The following PROM1 variants were observed in gnomAD, a reference collection of about 807,000 sequenced individuals.
PROM1 encodes prominin 1.
A neutral mutation model predicts 116.9 loss-of-function variants in PROM1; 105 were observed. The ratio of observed to expected loss-of-function variants is 0.90; its 90% CI spans 0.77 to 1.06. The LOEUF (loss-of-function observed/expected upper bound fraction) is 1.06. Among genes scored for constraint, PROM1 ranks in the 50% least tolerant of loss-of-function variants. The pLI is 0.00. For missense variants in PROM1, 1,122 were observed against 1,045.2 expected (o/e 1.07, Z -1.01); for synonymous variants, 393 against 387.0 (o/e 1.02, Z -0.18).
chr4:16,041,787 T>TAAATAA (rs1398054156), intron 2 of PROM1, among the ~76,000 whole-genome samples: 6 of 81,548 alleles, frequency 7.4e-5, no homozygotes, highest in Non-Finnish European at 1.2e-4. Flanking sequence ...AATAAATAAA[T>TAAATAA]ATATATATAT....
intron 26 of PROM1, among the ~76,000 whole-genome samples, chr4:15,972,551 T>C (rs973228594): frequency 3.3e-5 from 5 of 152,214 alleles, no homozygotes; most frequent in African/African-American, 1.2e-4. Flanking sequence ...CGCCTGTTAA[T>C]ATAGTCACAA....
intron 18 of PROM1, among the ~76,000 whole-genome samples, chr4:15,990,147 T>A (rs902995935): frequency 2.0e-5 from 3 of 152,198 alleles, no homozygotes; most frequent in African/African-American, 7.2e-5. Context: ...ATAGAGAAAT[T>A]TTTATTTAAC....
At chr4:15,976,151 G>A in intron 26 of PROM1, 1 of 454,894 alleles carries the variant, frequency 2.2e-6, no homozygotes, top group Non-Finnish European at 4.4e-6. Flanking sequence ...CTTCATTTAT[G>A]TATTTAATAG....
At chr4:16,030,774 G>C (rs368050813) in intron 5 of PROM1, among the ~76,000 whole-genome samples, 1 of 152,074 alleles carries the variant, frequency 6.6e-6, no homozygotes, top group Non-Finnish European at 1.5e-5. Flanking sequence ...GGCTAGGCAC[G>C]GTGGCTCACA....
intron 9 of PROM1, among the ~76,000 whole-genome samples, chr4:16,017,950 T>C (rs1187193350): frequency 2.0e-5 from 3 of 152,264 alleles, no homozygotes; most frequent in African/African-American, 7.2e-5. Context: ...AAATCTTTTC[T>C]TTGGGAAAAT....
chr4:16,046,041 T>G (rs1316902532), intron 2 of PROM1, among the ~76,000 whole-genome samples: 1 of 152,188 alleles, frequency 6.6e-6, no homozygotes, highest in Non-Finnish European at 1.5e-5. Context: ...CAGGTAACAG[T>G]GTTATCCTGG....
At chr4:16,072,913 C>A (rs62290903) in intron 2 of PROM1, among the ~76,000 whole-genome samples, 58 of 152,288 alleles carry the variant, frequency 3.8e-4, no homozygotes, top group Non-Finnish European at 7.1e-4. Flanking sequence ...CACCCAGGAA[C>A]TGACAGTGCA....
chr4:16,035,120 C>G (rs1733673458), intron 4 of PROM1, among the ~76,000 whole-genome samples: 1 of 152,168 alleles, frequency 6.6e-6, no homozygotes, highest in Non-Finnish European at 1.5e-5. Context: ...CACGCTTAAG[C>G]TAACCCCCAT....
chr4:16,018,379 A>C lies in PROM1; in HGVS notation c.946T>G (p.Cys316Gly), dbSNP rs1435472965. 6.2e-7 allele frequency: 1 copy of C among 1,613,654 alleles called. No individual in the cohort carries two copies. The highest frequency in any genetic ancestry group is 8.5e-7 in the Non-Finnish European group (1 of 1,179,886). The change falls in exon 9 of 28, where the codon TGC (cysteine) becomes GGC (glycine). Residue 316 changes from cysteine to glycine, a missense_variant. Coordinates refer to ENST00000447510, the MANE Select transcript of PROM1 (RefSeq NM_006017.3). ...LCLVHPSSET[C>G]NSIRLSLSQL... ...CTTAGAGACAATCTGATGCTGTTGC[A>C]GGTTTCACTTGATGGATGCACCAAG...
At chr4:15,995,771 C>T (rs2149148311) in intron 15 of PROM1, among the ~76,000 whole-genome samples, 1 of 152,308 alleles carries the variant, frequency 6.6e-6, no homozygotes, top group East Asian at 1.9e-4. Context: ...TTCCTAATCC[C>T]TCCATTCCCA....
At chr4:16,071,017 C>T (rs527430001) in intron 2 of PROM1, among the ~76,000 whole-genome samples, 1 of 152,336 alleles carries the variant, frequency 6.6e-6, no homozygotes, top group African/African-American at 2.4e-5. Context: ...TAGCCAAGAT[C>T]ATTCAGCAGT....
chr4:16,040,959 C>T (rs1040476961), intron 2 of PROM1, among the ~76,000 whole-genome samples: 1 of 152,166 alleles, frequency 6.6e-6, no homozygotes, highest in African/African-American at 2.4e-5. Context: ...TGGGGAACTG[C>T]TTCTTCCATC....
chr4:15,978,415 T>A (rs929351115), intron 26 of PROM1, among the ~76,000 whole-genome samples: 2 of 152,236 alleles, frequency 1.3e-5, no homozygotes, highest in Non-Finnish European at 2.9e-5. Flanking sequence ...AGGTGGAGCA[T>A]CAACTGTTAC....
At chr4:16,038,125 G>T (rs889488700) in intron 3 of PROM1, 7 of 152,102 alleles carry the variant, frequency 4.6e-5, no homozygotes, top group African/African-American at 7.2e-5. Flanking sequence ...ACTAGATAAG[G>T]TCCCTGCTAT....
chr4:16,039,120 T>C (rs1056165403), intron 2 of PROM1, 119 bp from the exon 3 acceptor site: 14 of 808,540 alleles, frequency 1.7e-5, no homozygotes, highest in Non-Finnish European at 2.2e-5. Flanking sequence ...ATTATTCTTA[T>C]AATTTTATTC....
intron 2 of PROM1, among the ~76,000 whole-genome samples, chr4:16,071,884 C>A (rs1284412357): frequency 1.3e-5 from 2 of 152,208 alleles, no homozygotes; most frequent in Admixed American, 1.3e-4. Flanking sequence ...ACCTGGAACA[C>A]CCTGTCCCTA....
At chr4:15,980,897 C>G (rs1013377516) in intron 23 of PROM1, among the ~76,000 whole-genome samples, 7 of 152,086 alleles carry the variant, frequency 4.6e-5, no homozygotes, top group African/African-American at 1.7e-4. Flanking sequence ...ATCCAGTAAT[C>G]AGAGCATGGA....
At chr4:15,971,342 A>C (rs746982438) in intron 26 of PROM1, 15 of 449,578 alleles carry the variant, frequency 3.3e-5, no homozygotes, top group Non-Finnish European at 6.0e-5. Context: ...TCACAATCTA[A>C]GGTTAAAAGT....
At chr4:15,992,053 T>C (rs1721182897) in intron 17 of PROM1, among the ~76,000 whole-genome samples, 195 bp downstream of exon 17, 1 of 150,622 alleles carries the variant, frequency 6.6e-6, no homozygotes, top group African/African-American at 2.4e-5. Flanking sequence ...GTGATGAAAA[T>C]GTCTTGGAAC....
Sources: gnomAD v4.1 joint callset for allele counts (sites outside exome capture counted in the v4.1 genomes callset) on GRCh38, gnomAD v4.1.1 for gene constraint, MANE v1.5 for transcripts, NCBI Gene and HGNC (gene_info 2026-07-23, HGNC 2026-07-21) for gene names.